The following EIF4ENIF1 variants were observed in gnomAD, a reference collection of about 807,000 sequenced individuals.
The protein encoded by EIF4ENIF1 is eukaryotic translation initiation factor 4E transporter.
EIF4ENIF1 carries 23 observed loss-of-function variants against 110.5 expected under a neutral mutation model. The ratio of observed to expected loss-of-function variants is 0.21; its 90% CI spans 0.15 to 0.29. EIF4ENIF1 has a LOEUF of 0.29. Ranked by LOEUF, EIF4ENIF1 falls within the 10% of genes least tolerant of loss-of-function variation. EIF4ENIF1 has a pLI of 1.00. For synonymous variants in EIF4ENIF1, 440 were observed against 437.0 expected (o/e 1.01, Z -0.09); for missense variants, 1,031 against 1,221.1 (o/e 0.84, Z 2.32).
chr22:31,442,240 T>G (rs1389096413), intron 16 of EIF4ENIF1, 122 bp from the exon 17 acceptor site: 1 of 768,404 alleles, frequency 1.3e-6, no homozygotes, highest in Non-Finnish European at 2.1e-6. Flanking sequence ...TTAACAAGTT[T>G]AGAGGACTAC....
At chr22:31,455,402 T>C (rs2050783743) in intron 8 of EIF4ENIF1, 87 bp from the exon 9 acceptor site, 1 of 1,183,470 alleles carries the variant, frequency 8.4e-7, no homozygotes, top group East Asian at 2.9e-5. Context: ...TTTCTTTTTT[T>C]TTTTTTTTTT....
upstream of EIF4ENIF1, among the ~76,000 whole-genome samples, chr22:31,491,403 C>T (rs1294756249): frequency 1.3e-5 from 2 of 152,094 alleles, no homozygotes; most frequent in African/African-American, 4.8e-5. Flanking sequence ...TGGAGAAGGC[C>T]CGTTCTTTGA....
rs544941739 is a variant in EIF4ENIF1, at chr22:31,439,627, A to G, written c.*253T>C. 1 of 526,216 alleles carries G rather than the reference A, an allele frequency of 1.9e-6. No homozygotes were observed. Among genetic ancestry groups the G allele is most frequent in the East Asian group, 3.6e-5 (1 of 27,660 alleles). The allele number at this position is 526,216 out of a possible 1,614,324, so 32.6% of individuals were successfully genotyped here. A position where few individuals can be genotyped will look rare whatever the true frequency, so the allele number is the denominator to read the frequency against. The stretch of plus-strand genomic sequence containing the variant: ...GTGAGGACACCAACACTTCATTCAC[A>G]TATCTTACAAAAAAGAAAGACCATT... On this transcript the variant is annotated 3_prime_UTR_variant, in exon 19 of 19. Transcript: ENST00000330125.
In EIF4ENIF1 at chr22:31,458,384, A is replaced by T. The variant is rs4820048; in HGVS notation, c.963+91T>A. The T allele has an allele frequency of 2.6e-6, 3 of 1,163,426 alleles. No homozygotes were observed. In the East Asian group the frequency reaches 8.3e-5, roughly 32 times the overall value. 72.1% of individuals were successfully genotyped at this position (1,163,426 alleles called of 1,614,324 possible). The stretch of plus-strand genomic sequence containing the variant: ...AAGAATAAAAGCCAAAAACCCCAAA[A>T]GCATCTAGCAAAACAACACTTTCAA... On this transcript the variant is annotated intron_variant, in intron 7 of 18. Coordinates refer to ENST00000330125, the MANE Select transcript of EIF4ENIF1 (RefSeq NM_019843.4).
intron 10 of EIF4ENIF1, chr22:31,450,577 C>T (rs2050615198): frequency 1.4e-5 from 6 of 418,282 alleles, no homozygotes; most frequent in Admixed American, 7.7e-5. Flanking sequence ...GCAAAGTCCC[C>T]TCAGAGATCC....
chr22:31,455,400 T>C (rs1410018080), intron 8 of EIF4ENIF1, 85 bp from the exon 9 acceptor site: 88 of 1,161,538 alleles, frequency 7.6e-5, no homozygotes, highest in East Asian at 4.7e-4. Flanking sequence ...TCTTTCTTTT[T>C]TTTTTTTTTT....
At chr22:31,455,466 T>C in intron 8 of EIF4ENIF1, 151 bp from the exon 9 acceptor site, 1 of 645,368 alleles carries the variant, frequency 1.5e-6, no homozygotes, top group Non-Finnish European at 2.3e-6. Context: ...TGGCGCAATC[T>C]CGGCTCACTG....
At chr22:31,468,122 A>C in intron 4 of EIF4ENIF1, 53 bp downstream of exon 4, 2 of 1,590,596 alleles carry the variant, frequency 1.3e-6, no homozygotes. Context: ...ACCAGCAGGC[A>C]AAAGCATGTC....
chr22:31,442,057 A>G lies in EIF4ENIF1; in HGVS notation c.2268T>C (p.Asn756=). ...ACCTCTGTAATGCTGACAGTTTGGA[A>G]TTTGTAGTGGGAGAAGAGTCTCGAT... The part of the protein sequence containing the change: ...SADRDSSPTT[N]SKLSALQRSS... Residue 756 remains asparagine, a synonymous_variant, in exon 17 of 19, where the codon AAT becomes AAC. Transcript: ENST00000330125. 6.2e-7 allele frequency: 1 copy of G among 1,614,174 alleles called. No individual in the cohort carries two copies.
chr22:31,440,894 T>G, intron 17 of EIF4ENIF1, 26 bp from the exon 18 acceptor site: 1 of 1,613,030 alleles, frequency 6.2e-7, no homozygotes, highest in Non-Finnish European at 8.5e-7. Flanking sequence ...AGCAAGCAGC[T>G]GAGTAGTCTT....
At chr22:31,467,346 C>T (rs933399828) in intron 4 of EIF4ENIF1, among the ~76,000 whole-genome samples, 4 of 152,136 alleles carry the variant, frequency 2.6e-5, no homozygotes, top group Admixed American at 2.0e-4. Context: ...GTCCTCTCAT[C>T]TCAAAAAAAG....
chr22:31,471,695 T>A (rs2051385557), intron 3 of EIF4ENIF1, 149 bp downstream of exon 3: 1 of 705,048 alleles, frequency 1.4e-6, no homozygotes, highest in Non-Finnish European at 2.4e-6. Context: ...CCTAGGTAGT[T>A]GAAACCCATC....
intron 2 of EIF4ENIF1, among the ~76,000 whole-genome samples, chr22:31,473,779 T>C (rs926512654): frequency 6.6e-6 from 1 of 152,196 alleles, no homozygotes; most frequent in Non-Finnish European, 1.5e-5. Context: ...ATTCTCTAGT[T>C]TCTCTACTAT....
chr22:31,446,705 C>T (rs1298331614), intron 14 of EIF4ENIF1, among the ~76,000 whole-genome samples: 1 of 152,134 alleles, frequency 6.6e-6, no homozygotes, highest in Non-Finnish European at 1.5e-5. Context: ...GTATTACTGG[C>T]ACAGGGCACA....
chr22:31,444,471 G>A (rs1045778320), intron 15 of EIF4ENIF1, 135 bp downstream of exon 15: 2 of 811,938 alleles, frequency 2.5e-6, no homozygotes, highest in Admixed American at 1.9e-5. Flanking sequence ...CTAATAGACA[G>A]TTATGAAAAA....
intron 13 of EIF4ENIF1, 108 bp downstream of exon 13, chr22:31,448,045 G>T: frequency 8.0e-7 from 1 of 1,256,008 alleles, no homozygotes; most frequent in Non-Finnish European, 1.2e-6. Flanking sequence ...CACTATGCCT[G>T]GCCTCAAAAC....
At chr22:31,471,636 TTC>T (rs1425761660) in intron 3 of EIF4ENIF1, among the ~76,000 whole-genome samples, 2 of 152,170 alleles carry the variant, frequency 1.3e-5, no homozygotes, top group Non-Finnish European at 2.9e-5. Context: ...TAATTCTGCT[TTC>T]TGACTATGTG....
chr22:31,468,898 G>A (rs1305494312), intron 3 of EIF4ENIF1, among the ~76,000 whole-genome samples: 4 of 152,054 alleles, frequency 2.6e-5, no homozygotes, highest in Non-Finnish European at 5.9e-5. Context: ...CAATAACTAC[G>A]CCTGTACTAT....
At chr22:31,455,709 A>G (rs1393573762) in intron 8 of EIF4ENIF1, 143 bp downstream of exon 8, 8 of 1,152,172 alleles carry the variant, frequency 6.9e-6, no homozygotes, top group Non-Finnish European at 9.8e-6. Flanking sequence ...CTTCAACAAT[A>G]TTAAAAGGAC....
Sources: gnomAD v4.1 joint callset for allele counts (sites outside exome capture counted in the v4.1 genomes callset) on GRCh38, gnomAD v4.1.1 for gene constraint, MANE v1.5 for transcripts, NCBI Gene and HGNC (gene_info 2026-07-23, HGNC 2026-07-21) for gene names.